AGBL1: variants seen among roughly 807,000 people sequenced by gnomAD.
AGBL1 encodes the protein cytosolic carboxypeptidase 4.
Under a neutral mutation model 118.9 loss-of-function variants are expected in AGBL1, and 130 were observed. The ratio of observed to expected loss-of-function variants is 1.09; its 90% CI spans 0.95 to 1.26. The LOEUF (loss-of-function observed/expected upper bound fraction) is 1.26, where lower values mean the gene tolerates loss of function less well. Ranked by LOEUF, AGBL1 falls within the 50% of genes most tolerant of loss-of-function variation. The probability of loss-of-function intolerance (pLI) is 0.00; values close to 1 mark genes in which losing one functional copy is unlikely to be tolerated. For synonymous variants in AGBL1, 555 were observed against 478.9 expected (o/e 1.16, Z -2.08); for missense variants, 1,584 against 1,298.1 (o/e 1.22, Z -3.38).
intron 1 of AGBL1, among the ~76,000 whole-genome samples, chr15:86,110,189 A>G (rs1305203352): frequency 2.0e-5 from 3 of 152,342 alleles, no homozygotes; most frequent in African/African-American, 4.8e-5. Context: ...GGAGAAAATT[A>G]CAGTTGACCC....
At chr15:86,943,713 G>T (rs1439784670) in intron 23 of AGBL1, among the ~76,000 whole-genome samples, 1 of 152,150 alleles carries the variant, frequency 6.6e-6, no homozygotes, top group Non-Finnish European at 1.5e-5. Context: ...TGGCTTCCAG[G>T]TATCCCTTTT....
At chr15:86,268,096 T>C (rs1300757161) in intron 13 of AGBL1, among the ~76,000 whole-genome samples, 1 of 152,252 alleles carries the variant, frequency 6.6e-6, no homozygotes, top group African/African-American at 2.4e-5. Context: ...CATCCGTTCT[T>C]ACTCAGGGAT....
chr15:86,370,982 G>A (rs985733613), intron 17 of AGBL1, among the ~76,000 whole-genome samples: 6 of 152,172 alleles, frequency 3.9e-5, no homozygotes, highest in African/African-American at 1.4e-4. Flanking sequence ...CAGTGCTCAA[G>A]CTATAGACCT....
intron 18 of AGBL1, among the ~76,000 whole-genome samples, chr15:86,514,411 C>T (rs2083092714): frequency 6.6e-6 from 1 of 151,984 alleles, no homozygotes; most frequent in South Asian, 2.1e-4. Context: ...GTGTATTGTT[C>T]TTTTTATCCT....
chr15:86,731,471 T>C (rs2077526788), intron 22 of AGBL1, among the ~76,000 whole-genome samples: 1 of 152,308 alleles, frequency 6.6e-6, no homozygotes, highest in East Asian at 1.9e-4. Context: ...ACAATAAATA[T>C]TCTGCAGTGG....
At chr15:86,632,558 G>A in intron 21 of AGBL1, among the ~76,000 whole-genome samples, 1 of 152,002 alleles carries the variant, frequency 6.6e-6, no homozygotes, top group East Asian at 1.9e-4. Flanking sequence ...CTTGCTTCTG[G>A]ATGTCTCATC....
chr15:86,999,033 G>A lies in AGBL1; in HGVS notation c.3323+10945G>A, dbSNP rs2081407483. 1.3e-5 allele frequency among the ~76,000 whole-genome samples: 2 copies of A among 150,980 alleles called. 1 individual carries two copies. The highest frequency in any genetic ancestry group is 4.9e-5 in the African/African-American group (2 of 40,868). On this transcript the variant is annotated intron_variant, in intron 24 of 24. Coordinates refer to the AGBL1 transcript ENST00000441037. ...CCCCCACCCCATAGCAGGCCCTGGT[G>A]TGTGATGTTCCCCTTCCTGTGTCCA...
intron 18 of AGBL1, among the ~76,000 whole-genome samples, chr15:86,469,777 G>A (rs1236464339): frequency 1.3e-5 from 2 of 152,054 alleles, no homozygotes; most frequent in Non-Finnish European, 2.9e-5. Flanking sequence ...ATTCTCACTG[G>A]TATGAGGTGA....
At chr15:86,422,047 A>G (rs1755153598) in intron 18 of AGBL1, among the ~76,000 whole-genome samples, 1 of 152,190 alleles carries the variant, frequency 6.6e-6, no homozygotes, top group African/African-American at 2.4e-5. Context: ...ACGAGACAGA[A>G]AATTAACAAG....
intron 18 of AGBL1, among the ~76,000 whole-genome samples, chr15:86,439,950 C>G (rs1427393768): frequency 6.6e-6 from 1 of 152,176 alleles, no homozygotes; most frequent in Non-Finnish European, 1.5e-5. Context: ...TGGCCTTCAT[C>G]AGTACCCTAG....
chr15:86,707,466 C>A (rs1454897343), intron 22 of AGBL1, among the ~76,000 whole-genome samples: 1 of 152,048 alleles, frequency 6.6e-6, no homozygotes. Flanking sequence ...AGAGAGAGAG[C>A]ATTAAATAAA....
chr15:86,113,162 C>T (rs910898976), intron 1 of AGBL1, among the ~76,000 whole-genome samples: 1 of 151,312 alleles, frequency 6.6e-6, no homozygotes, highest in African/African-American at 2.4e-5. Flanking sequence ...TGGCTCTCAG[C>T]CTTCTTAGTT....
chr15:86,613,071 T>G lies in AGBL1; in HGVS notation c.2994+58534T>G, dbSNP rs557451030. Among the ~76,000 whole-genome samples the G allele has an allele frequency of 1.8e-4, 27 of 152,330 alleles. 1 individual carries two copies. In the South Asian group the frequency reaches 5.4e-3, roughly 30 times the overall value. On this transcript the variant is annotated intron_variant, in intron 21 of 22. Transcript: ENST00000614907. This position sits in a 1 kb window ranked among gnomAD's most constrained non-coding sequence, Gnocchi z 4.2. Reference sequence around the variant, plus strand: ...CCCTAAAATGTATAAAGCCAAGATGTAACACAATCACTTTGGGCACATGTT... The same window carrying G: ...CCCTAAAATGTATAAAGCCAAGATGGAACACAATCACTTTGGGCACATGTT...
intron 1 of AGBL1, among the ~76,000 whole-genome samples, chr15:86,113,789 G>GTACC (rs1198160560): frequency 6.6e-6 from 1 of 152,150 alleles, no homozygotes; most frequent in Non-Finnish European, 1.5e-5. Flanking sequence ...CTTCCCAATA[G>GTACC]TACCGTTTTA....
chr15:86,584,488 A>G (rs184714651), intron 21 of AGBL1, among the ~76,000 whole-genome samples: 7 of 152,202 alleles, frequency 4.6e-5, no homozygotes, highest in Admixed American at 4.6e-4. Context: ...TGAAGATCAG[A>G]TGGATGTATG....
At chr15:86,768,023 T>C (rs969674513) in intron 22 of AGBL1, among the ~76,000 whole-genome samples, 2 of 151,996 alleles carry the variant, frequency 1.3e-5, no homozygotes, top group Non-Finnish European at 2.9e-5. Context: ...ATTGCTTTCA[T>C]TTATACAGAA....
chr15:86,889,108 G>C (rs961660696), intron 22 of AGBL1, among the ~76,000 whole-genome samples: 1 of 151,814 alleles, frequency 6.6e-6, no homozygotes, highest in Non-Finnish European at 1.5e-5. Context: ...TTTGTTTTCC[G>C]TTCACTGAAA....
chr15:86,702,022 TCTC>T (rs2086369499), intron 22 of AGBL1, among the ~76,000 whole-genome samples: 1 of 146,486 alleles, frequency 6.8e-6, no homozygotes, highest in African/African-American at 2.5e-5. Flanking sequence ...CCAACCCTTC[TCTC>T]CTCTTTTCTT....
intron 22 of AGBL1, among the ~76,000 whole-genome samples, chr15:86,765,668 C>A (rs1567163431): frequency 6.6e-6 from 1 of 151,876 alleles, no homozygotes; most frequent in African/African-American, 2.4e-5. Context: ...GTTGAAGTAT[C>A]TTGAGGTGAA....
Sources: allele counts gnomAD v4.1 joint callset (sites outside exome capture counted in the v4.1 genomes callset), GRCh38; gene constraint gnomAD v4.1.1; non-coding constraint Gnocchi (gnomAD v3.1); transcripts MANE v1.5; gene names NCBI Gene and HGNC (gene_info 2026-07-23, HGNC 2026-07-21).